RAPGEF5: variants seen among roughly 807,000 people sequenced by gnomAD.
RAPGEF5 encodes the protein M-Ras-regulated GEF.
Under a neutral mutation model 125.2 loss-of-function variants are expected in RAPGEF5, and 65 were observed. That is an observed-to-expected ratio of 0.52 (90% confidence interval 0.43 to 0.64). The LOEUF (loss-of-function observed/expected upper bound fraction) is 0.64, where lower values mean the gene tolerates loss of function less well. RAPGEF5 is among the 30% of genes least tolerant of loss of function. RAPGEF5 has a pLI of 0.00. For missense variants in RAPGEF5, 958 were observed against 1,048.1 expected (o/e 0.91, Z 1.19); for synonymous variants, 391 against 385.9 (o/e 1.01, Z -0.16).
Position 22,308,343 on chromosome 7 carries a change from C to T in RAPGEF5, c.676G>A (p.Glu226Lys). 6.3e-7 allele frequency: 1 copy of T among 1,584,446 alleles called. No individual in the cohort carries two copies. The highest frequency in any genetic ancestry group is 1.3e-5 in the African/African-American group (1 of 74,510). ...CACAAGAGAGCATCTACTTACAGTT[C>T]ACAGATGCCACCTCTGGCAGGAATG... ...PLIPARGGIC[E>K]LSHQKIEDSE... The change falls in exon 5 of 26, where the codon GAA becomes AAA. Residue 226 changes from glutamate to lysine, a missense_variant. Glu to Lys is a moderately conservative substitution (Grantham distance 56). Coordinates refer to ENST00000665637, the MANE Select transcript of RAPGEF5 (RefSeq NM_012294.5).
At chr7:22,138,341 T>C (rs575847334) in intron 21 of RAPGEF5, among the ~76,000 whole-genome samples, 1 of 152,320 alleles carries the variant, frequency 6.6e-6, no homozygotes, top group South Asian at 2.1e-4. Flanking sequence ...TTCACTCCAA[T>C]GGCAGAGTTG....
chr7:22,281,907 T>C (rs1262265164), intron 6 of RAPGEF5, among the ~76,000 whole-genome samples: 1 of 152,180 alleles, frequency 6.6e-6, no homozygotes, highest in South Asian at 2.1e-4. Flanking sequence ...AGTAGACACT[T>C]CGCTCTGCCC....
At chr7:22,133,625 C>A (rs1420008908) in intron 23 of RAPGEF5, among the ~76,000 whole-genome samples, 1 of 152,158 alleles carries the variant, frequency 6.6e-6, no homozygotes, top group African/African-American at 2.4e-5. Flanking sequence ...AAATCTGCAA[C>A]AATAAACTCC....
At chr7:22,290,744 CAAA>C (rs398003971) in intron 6 of RAPGEF5, among the ~76,000 whole-genome samples, 7 of 86,188 alleles carry the variant, frequency 8.1e-5, no homozygotes, top group African/African-American at 2.0e-4. Flanking sequence ...GACTCCGTCT[CAAA>C]AAAAAAAAAA....
intron 8 of RAPGEF5, 105 bp from the exon 9 acceptor site, chr7:22,220,096 G>A (rs1028310195): frequency 7.3e-7 from 1 of 1,360,948 alleles, no homozygotes; most frequent in African/African-American, 1.5e-5. Context: ...TCCACTGCCT[G>A]GATTAAATCA....
intron 1 of RAPGEF5, among the ~76,000 whole-genome samples, chr7:22,323,513 A>T (rs546804041): frequency 1.3e-5 from 2 of 152,360 alleles, no homozygotes; most frequent in East Asian, 3.9e-4. Context: ...TTTGCCTACC[A>T]ATATGGGCCT....
In RAPGEF5 at chr7:22,193,990, T is replaced by C; in HGVS notation, c.1040A>G (p.Gln347Arg). ...CACTTTCTTCAGCACCAGGACGCTC[T>C]GGTCTTGCTCTTTAACCTGAACAGT... ...VTTVQVKEQD[Q>R]SVLVLKKVQC... is the part of the protein sequence containing the mutation. Residue 347 changes from glutamine (Q) to arginine (R), a missense_variant, in exon 10 of 26, where the codon CAG becomes CGG. Transcript: ENST00000665637. 1 of 1,613,990 alleles carries C rather than the reference T, an allele frequency of 6.2e-7. No individual in the cohort carries two copies. The highest frequency in any genetic ancestry group is 8.5e-7 in the Non-Finnish European group (1 of 1,179,870).
At chr7:22,153,168 T>A (rs977180677) in intron 17 of RAPGEF5, among the ~76,000 whole-genome samples, 4 of 152,204 alleles carry the variant, frequency 2.6e-5, no homozygotes, top group African/African-American at 9.6e-5. Context: ...TGGCACCTTC[T>A]GTCTGAATGG....
chr7:22,294,923 G>T lies in RAPGEF5; in HGVS notation c.681-3682C>A, dbSNP rs116906588. The stretch of plus-strand genomic sequence containing the variant: ...TACTTAAAAATATGTAATTAACAAA[G>T]ATATCTATTCAAGGTGTGCCACATG... On this transcript the variant is annotated intron_variant, in intron 5 of 25. Transcript: ENST00000665637. Among the ~76,000 whole-genome samples, 1,407 of 152,274 alleles carry T rather than the reference G, an allele frequency of 9.2e-3. 10 individuals carry two copies. The highest frequency in any genetic ancestry group is 0.014 in the Non-Finnish European group (980 of 68,030).
intron 1 of RAPGEF5, among the ~76,000 whole-genome samples, chr7:22,333,731 T>C (rs1188958963): frequency 6.6e-6 from 1 of 152,248 alleles, no homozygotes; most frequent in East Asian, 1.9e-4. Flanking sequence ...CCACTTGTTA[T>C]ATAACCTGTT....
chr7:22,156,379 A>G (rs1204886064), intron 16 of RAPGEF5, among the ~76,000 whole-genome samples: 1 of 152,180 alleles, frequency 6.6e-6, no homozygotes, highest in Non-Finnish European at 1.5e-5. Flanking sequence ...TTCTCTCCAC[A>G]GGAGTTTCTT....
At chr7:22,314,104 T>C (rs146883264) in intron 3 of RAPGEF5, among the ~76,000 whole-genome samples, 5 of 152,372 alleles carry the variant, frequency 3.3e-5, no homozygotes, top group African/African-American at 7.2e-5. Flanking sequence ...ATTGATTAAA[T>C]GTGCTTAATT....
intron 1 of RAPGEF5, among the ~76,000 whole-genome samples, chr7:22,345,418 C>T (rs533553682): frequency 1.3e-5 from 2 of 152,166 alleles, no homozygotes; most frequent in Non-Finnish European, 2.9e-5. Context: ...GCAGCTCAGG[C>T]TTACTGAGCA....
At chr7:22,177,428 A>G (rs1409861457) in intron 11 of RAPGEF5, among the ~76,000 whole-genome samples, 1 of 152,284 alleles carries the variant, frequency 6.6e-6, no homozygotes, top group East Asian at 1.9e-4. Flanking sequence ...GGGAGCCCCA[A>G]ATTTGTTTTG....
At chr7:22,199,017 C>T (rs996990431) in intron 9 of RAPGEF5, among the ~76,000 whole-genome samples, 1 of 152,214 alleles carries the variant, frequency 6.6e-6, no homozygotes, top group Admixed American at 6.5e-5. Flanking sequence ...ATGTCACTTT[C>T]CCTCGTGCTG....
intron 2 of RAPGEF5, among the ~76,000 whole-genome samples, chr7:22,315,801 T>A (rs971429887): frequency 8.6e-5 from 13 of 151,976 alleles, no homozygotes; most frequent in African/African-American, 3.1e-4. Context: ...CACTATTTTT[T>A]AAATATAATA....
intron 1 of RAPGEF5, among the ~76,000 whole-genome samples, chr7:22,328,279 T>C (rs1783851766): frequency 1.3e-5 from 2 of 152,240 alleles, no homozygotes; most frequent in Non-Finnish European, 2.9e-5. Context: ...GCATTTCCCA[T>C]CAAGCATCTT....
chr7:22,125,065 C>A (rs536261310), intron 25 of RAPGEF5, among the ~76,000 whole-genome samples: 1 of 152,154 alleles, frequency 6.6e-6, no homozygotes, highest in Non-Finnish European at 1.5e-5. Flanking sequence ...TTCCTACATA[C>A]ATTAGTCTCA....
intron 9 of RAPGEF5, among the ~76,000 whole-genome samples, chr7:22,195,133 G>GA (rs1201386768): frequency 6.6e-6 from 1 of 152,174 alleles, no homozygotes; most frequent in Admixed American, 6.5e-5. Flanking sequence ...CCTACTTACA[G>GA]AAAATCCTAC....
Sources: gnomAD v4.1 joint callset for allele counts (sites outside exome capture counted in the v4.1 genomes callset) on GRCh38, gnomAD v4.1.1 for gene constraint, MANE v1.5 for transcripts, NCBI Gene and HGNC (gene_info 2026-07-23, HGNC 2026-07-21) for gene names.